Variants in KCNMB3 observed in about 807,000 individuals in gnomAD.
The protein encoded by KCNMB3 is calcium-activated potassium channel subunit beta-3.
KCNMB3 carries 18 observed loss-of-function variants against 11.9 expected under a neutral mutation model. The ratio of observed to expected loss-of-function variants is 1.51; its 90% CI spans 1.04 to 2.23. The LOEUF (loss-of-function observed/expected upper bound fraction) is 2.23, where lower values mean the gene tolerates loss of function less well. Ranked by LOEUF, KCNMB3 falls within the 30% of genes most tolerant of loss-of-function variation. KCNMB3 has a pLI of 0.00. For missense variants in KCNMB3, 247 were observed against 329.4 expected, an observed-to-expected ratio of 0.75 and a Z score of 1.94; for synonymous variants, 78 against 119.2, an observed-to-expected ratio of 0.65 and a Z score of 2.25.
At chr3:179,251,673 G>A, upstream of KCNMB3, 3 of 1,229,830 alleles carry the variant, frequency 2.4e-6, no homozygotes, top group South Asian at 4.0e-5. Context: ...GGGCATGGCG[G>A]CATCCAGCCC....
At chr3:179,258,041 C>A (rs778432120) in intron 1 of KCNMB3, among the ~76,000 whole-genome samples, 3 of 152,136 alleles carry the variant, frequency 2.0e-5, no homozygotes, top group Non-Finnish European at 4.4e-5. Context: ...CCCACCACCA[C>A]GCCTGGCCAA....
chr3:179,253,012 G>C (rs1275676316), upstream of KCNMB3, among the ~76,000 whole-genome samples: 1 of 152,114 alleles, frequency 6.6e-6, no homozygotes, highest in Non-Finnish European at 1.5e-5. Context: ...TTACAGGTGT[G>C]AGCCACTGCA....
chr3:179,263,691 C>G (rs769809863), intron 1 of KCNMB3, among the ~76,000 whole-genome samples: 1 of 151,998 alleles, frequency 6.6e-6, no homozygotes, highest in Non-Finnish European at 1.5e-5. Context: ...ACCCACAACA[C>G]TTAAAGGTAA....
chr3:179,260,649 T>C, intron 1 of KCNMB3: 1 of 1,335,236 alleles, frequency 7.5e-7, no homozygotes, highest in South Asian at 1.2e-5. Context: ...GTGTCGGAAG[T>C]CTCTCCATTG....
chr3:179,252,695 G>C (rs886363320), upstream of KCNMB3, among the ~76,000 whole-genome samples: 1 of 150,540 alleles, frequency 6.6e-6, no homozygotes, highest in African/African-American at 2.4e-5. Flanking sequence ...CAGAGAAGGG[G>C]CATGGAAAAA....
At chr3:179,248,826 T>C (rs113245394) in intron 1 of KCNMB3, among the ~76,000 whole-genome samples, 4,286 of 152,008 alleles carry the variant, frequency 0.028, 197 homozygotes, top group South Asian at 0.13. Flanking sequence ...TGTTTATATG[T>C]ATTATATACT....
At chr3:179,264,622 G>T (rs575199985) in intron 1 of KCNMB3, among the ~76,000 whole-genome samples, 2 of 152,286 alleles carry the variant, frequency 1.3e-5, no homozygotes, top group South Asian at 4.1e-4. Flanking sequence ...GGCTTAGCCT[G>T]AGGCAAACTC....
At chr3:179,257,622 T>C (rs1488726928) in intron 1 of KCNMB3, among the ~76,000 whole-genome samples, 2 of 152,210 alleles carry the variant, frequency 1.3e-5, no homozygotes, top group Non-Finnish European at 2.9e-5. Context: ...GTCTAATTTG[T>C]AGTTTGCACA....
Position 179,251,059 on chromosome 3 carries a change from T to C in KCNMB3, c.-69A>G, listed in dbSNP as rs1560157437. 2 of 1,614,174 alleles carry C rather than the reference T, an allele frequency of 1.2e-6. No individual in the cohort carries two copies. Among genetic ancestry groups the C allele is most frequent in the Non-Finnish European group, 1.7e-6 (2 of 1,180,020 alleles). ...ACCTGTGTCTCGTGAGCAGGATGAA[T>C]GCAACAAAATGAAATCCCAGTTCAG... On this transcript the variant is annotated 5_prime_UTR_variant, in exon 1 of 3. Transcript: ENST00000392685.
At chr3:179,248,454 A>T (rs1725718616) in intron 1 of KCNMB3, among the ~76,000 whole-genome samples, 1 of 152,156 alleles carries the variant, frequency 6.6e-6, no homozygotes, top group African/African-American at 2.4e-5. Context: ...CTGGTCAGGC[A>T]TGGTGGCTCA....
upstream of KCNMB3, among the ~76,000 whole-genome samples, chr3:179,253,205 AG>A (rs1725905073): frequency 6.6e-6 from 1 of 152,160 alleles, no homozygotes; most frequent in South Asian, 2.1e-4. Flanking sequence ...GTTTATTGTA[AG>A]ATATCCTTGG....
chr3:179,246,925 A>G (rs1230122884), intron 1 of KCNMB3, among the ~76,000 whole-genome samples: 1 of 152,178 alleles, frequency 6.6e-6, no homozygotes, highest in Non-Finnish European at 1.5e-5. Context: ...ATGTTCCTTC[A>G]ATAGCATCGG....
At chr3:179,266,900 G>A (rs907333689) in exon 1 of KCNMB3, 2 of 1,419,282 alleles carry the variant, frequency 1.4e-6, no homozygotes, top group Non-Finnish European at 1.8e-6. Flanking sequence ...CTAGCCACGT[G>A]GTTCTGCAGA....
intron 1 of KCNMB3, chr3:179,259,201 T>A: frequency 6.5e-7 from 1 of 1,543,412 alleles, no homozygotes. Flanking sequence ...ATCCCACACC[T>A]CTCTGTACTT....
intron 1 of KCNMB3, among the ~76,000 whole-genome samples, chr3:179,248,976 C>T (rs1725739130): frequency 6.6e-6 from 1 of 150,472 alleles, no homozygotes; most frequent in Admixed American, 6.6e-5. Context: ...CACACCACTG[C>T]ACTCCAGTGT....
In KCNMB3 at chr3:179,245,514, TGG is replaced by T. The variant is rs11364967; in HGVS notation, c.249-823_249-822del. Among the ~76,000 whole-genome samples, 593 of 147,706 alleles carry T rather than the reference TGG, an allele frequency of 4.0e-3. 9 individuals carry two copies. The highest frequency in any genetic ancestry group is 0.025 in the East Asian group (127 of 5,054). ...AAGTGCTGTACTGAATTAATTTTTT[TGG>T]GGGGGGGGATGGAGTTTCGCTCTTG... is the stretch of plus-strand genomic sequence containing the variant. On this transcript the variant is annotated intron_variant, in intron 1 of 2. Transcript: ENST00000392685.
In KCNMB3 at chr3:179,260,960, T is replaced by G. The variant is rs952849276; in HGVS notation, c.62+5689A>C. Reference sequence around the variant, plus strand: ...CTCTTCAACTTCTGCTAGAGAGTCCTTGATTTCCCTGATGGACGCCTCGGT... The same window carrying G: ...CTCTTCAACTTCTGCTAGAGAGTCCGTGATTTCCCTGATGGACGCCTCGGT... On this transcript the variant is annotated intron_variant, in intron 1 of 3. Transcript: ENST00000349697. 5.7e-6 allele frequency: 6 copies of G among 1,059,054 alleles called. No homozygotes were observed. In the African/African-American group the frequency reaches 8.2e-5, roughly 15 times the overall value. 65.6% of individuals were successfully genotyped at this position (1,059,054 alleles called of 1,614,324 possible).
At position 179,258,805 on chromosome 3, in the gene KCNMB3, A is replaced by G. The variant is rs528042365; in HGVS notation, c.62+7844T>C. ...ATGCTCTCAATTAGAATGTACACTG[A>G]TAACAAATATGTCTTTCTAATCTGG... On this transcript the variant is annotated intron_variant, in intron 1 of 3. Transcript: ENST00000349697. 8 of 1,335,962 alleles carry G rather than the reference A, an allele frequency of 6.0e-6. No homozygotes were observed. In the Admixed American group the frequency reaches 8.4e-5, roughly 14 times the overall value. 82.8% of individuals were successfully genotyped at this position (1,335,962 alleles called of 1,614,324 possible). A position where few individuals can be genotyped will look rare whatever the true frequency, so the allele number is the denominator to read the frequency against.
At chr3:179,245,097 C>T (rs879374376) in intron 1 of KCNMB3, among the ~76,000 whole-genome samples, 2 of 152,164 alleles carry the variant, frequency 1.3e-5, no homozygotes, top group African/African-American at 2.4e-5. Flanking sequence ...ATTTAAGATG[C>T]AGGTATTTGG....
Sources: gnomAD v4.1 joint callset for allele counts (sites outside exome capture counted in the v4.1 genomes callset) on GRCh38, gnomAD v4.1.1 for gene constraint, MANE v1.5 for transcripts, NCBI Gene and HGNC (gene_info 2026-07-23, HGNC 2026-07-21) for gene names.